CHD1: variants seen among roughly 807,000 people sequenced by gnomAD.
The protein encoded by CHD1 is ATP-dependent chromatin remodeler CHD1.
CHD1 carries 36 observed loss-of-function variants against 224.2 expected under a neutral mutation model. That is an observed-to-expected ratio of 0.16 (90% CI 0.12 to 0.21). The LOEUF is 0.21. CHD1 is among the 10% of genes least tolerant of loss of function. The pLI is 1.00. For missense variants in CHD1, 1,378 were observed against 1,994.8 expected (o/e 0.69, Z 5.89); for synonymous variants, 668 against 658.3 (o/e 1.01, Z -0.23).
At chr5:98,900,768 A>G (rs755081071) in intron 7 of CHD1, 43 bp downstream of exon 7, 3 of 1,555,692 alleles carry the variant, frequency 1.9e-6, no homozygotes, top group Middle Eastern at 1.7e-4. Context: ...TCCTGTAAAT[A>G]TTATTTAAAT....
At chr5:98,890,104 A>G (rs1750916417) in intron 15 of CHD1, among the ~76,000 whole-genome samples, 1 of 152,228 alleles carries the variant, frequency 6.6e-6, no homozygotes, top group Non-Finnish European at 1.5e-5. Context: ...TACCATGCTC[A>G]CTACCTGGAT....
In CHD1 at chr5:98,888,037, T is replaced by C. The variant is rs772520082; in HGVS notation, c.2496+51A>G. On this transcript the variant is annotated intron_variant, in intron 17 of 35. Coordinates refer to ENST00000614616, the MANE Select transcript of CHD1 (RefSeq NM_001270.4). ...TAATTTCAGTTAATTCTGTAAAATA[T>C]GCACAGGAATTAGATAAAATTTAAA... 6 of 1,216,688 alleles carry C rather than the reference T, an allele frequency of 4.9e-6. 1 individual carries two copies. Among genetic ancestry groups the C allele is most frequent in the East Asian group, 4.9e-5 (2 of 40,466 alleles). The allele number at this position is 1,216,688 out of a possible 1,614,324, so 75.4% of individuals were successfully genotyped here.
At position 98,857,900 on chromosome 5, in the gene CHD1, CA is replaced by C. The variant is rs1748162155; in HGVS notation, c.4787+279del. 2.6e-5 allele frequency among the ~76,000 whole-genome samples: 4 copies of C among 152,130 alleles called. No individual in the cohort carries two copies. The South Asian group carries it at 8.3e-4, about 32-fold the overall frequency. ...AAAGAGTATTTGAGCCAATATTCTT[CA>C]AAACGAACAATGAACCCCACGCAAT... On this transcript the variant is annotated intron_variant, in intron 35 of 35. Transcript: ENST00000614616.
chr5:98,863,576 C>A lies in CHD1; in HGVS notation c.4259G>T (p.Arg1420Ile). The change falls in exon 32 of 36, where the codon AGA (arginine) becomes ATA (isoleucine). Residue 1420 changes from arginine to isoleucine, a missense_variant. This residue lies in a region of CHD1 where 23 missense variants were observed against 65.8 expected (regional missense o/e 0.35). Transcript: ENST00000614616. The part of the protein sequence containing the change: ...DQKTFSICKE[R>I]MRPVKAALKQ... ...CAAAGCTGCTTTAACAGGCCTCATT[C>A]TTTCTTTACACTTTAAAATGAGAAA... 1 of 1,598,572 alleles carries A rather than the reference C, an allele frequency of 6.3e-7. No individual in the cohort carries two copies. The highest frequency in any genetic ancestry group is 8.5e-7 in the Non-Finnish European group (1 of 1,175,982).
chr5:98,871,117 T>C (rs185314985), intron 28 of CHD1, among the ~76,000 whole-genome samples: 137 of 152,110 alleles, frequency 9.0e-4, no homozygotes, highest in African/African-American at 3.1e-3. Context: ...TTAAATGTTA[T>C]ATAATCCTTA....
At chr5:98,893,683 A>T (rs1053635277) in intron 13 of CHD1, 77 bp from the exon 14 acceptor site, 2 of 863,566 alleles carry the variant, frequency 2.3e-6, no homozygotes, top group Admixed American at 2.8e-5. Flanking sequence ...TCTGAACTCA[A>T]TTATTAAAAT....
chr5:98,861,273 C>T (rs1007339928), intron 32 of CHD1, among the ~76,000 whole-genome samples: 2 of 152,060 alleles, frequency 1.3e-5, no homozygotes, highest in Non-Finnish European at 2.9e-5. Context: ...ACATTTTCTA[C>T]AATACTATTA....
chr5:98,865,029 A>G (rs1357621284), intron 31 of CHD1, among the ~76,000 whole-genome samples: 1 of 152,224 alleles, frequency 6.6e-6, no homozygotes, highest in East Asian at 1.9e-4. Context: ...AACAAGAAAT[A>G]GTATGTCAGA....
In CHD1 at chr5:98,876,632, A is replaced by G; in HGVS notation, c.3238-74T>C. Reference sequence around the variant, plus strand: ...TCTTAAGAGCAAAAACCATTATAAAAGATGGTCGGAATCTTAAAAATGTTA... The same window carrying G: ...TCTTAAGAGCAAAAACCATTATAAAGGATGGTCGGAATCTTAAAAATGTTA... On this transcript the variant is annotated intron_variant, in intron 23 of 35. Transcript: ENST00000614616. 3 of 1,272,996 alleles carry G rather than the reference A, an allele frequency of 2.4e-6. No individual in the cohort carries two copies. In the Admixed American group the frequency reaches 6.1e-5, roughly 26 times the overall value. The allele number at this position is 1,272,996 out of a possible 1,614,324, so 78.9% of individuals were successfully genotyped here. A position where few individuals can be genotyped will look rare whatever the true frequency, so the allele number is the denominator to read the frequency against.
intron 26 of CHD1, among the ~76,000 whole-genome samples, chr5:98,872,997 T>G (rs1345599634): frequency 6.6e-6 from 1 of 152,030 alleles, no homozygotes; most frequent in Non-Finnish European, 1.5e-5. Flanking sequence ...AATTTTTATG[T>G]TTTCATTTTT....
chr5:98,861,055 T>C (rs924976258), intron 32 of CHD1, among the ~76,000 whole-genome samples: 1 of 152,318 alleles, frequency 6.6e-6, no homozygotes, highest in Non-Finnish European at 1.5e-5. Flanking sequence ...CTGGTCTTAA[T>C]TATATCATCC....
At chr5:98,868,867 T>C (rs1749105294) in intron 30 of CHD1, 7 of 494,146 alleles carry the variant, frequency 1.4e-5, no homozygotes, top group Non-Finnish European at 2.2e-5. Context: ...TGTTCAGACC[T>C]ACTATTCTCC....
At chr5:98,922,699 T>C (rs1284023651) in intron 2 of CHD1, among the ~76,000 whole-genome samples, 4 of 152,146 alleles carry the variant, frequency 2.6e-5, no homozygotes, top group Non-Finnish European at 5.9e-5. Context: ...AATCTAATTA[T>C]ATTAGGGGCC....
In CHD1 at chr5:98,899,676, C is replaced by G. The variant is rs774478241; in HGVS notation, c.889G>C (p.Val297Leu). The change falls in exon 8 of 36, where the codon GTT becomes CTT. Residue 297 changes from valine (V) to leucine (L), a missense_variant. Physicochemically the swap from Val to Leu is conservative, Grantham distance 32 (BLOSUM62 1). Around this residue, in one of 16 missense-constraint regions of CHD1, gnomAD observed 40 missense variants for 60.0 expected, o/e 0.67. Coordinates refer to ENST00000614616, the MANE Select transcript of CHD1 (RefSeq NM_001270.4). ...ATGATTTIYA[V>L]EADGDPNAGF... ...GCATTTGGGTCACCATCTGCTTCAACTGCATAGATGGTTGTAGTAGCACCA... is the reference window on the plus strand; with the variant it reads ...GCATTTGGGTCACCATCTGCTTCAAGTGCATAGATGGTTGTAGTAGCACCA... The G allele has an allele frequency of 1.9e-6, 3 of 1,613,468 alleles. No homozygotes were observed. The African/African-American group carries it at 4.0e-5, about 22-fold the overall frequency.
Position 98,869,326 on chromosome 5 carries a change from C to T in CHD1, c.4107+428G>A, listed in dbSNP as rs161740. Reference sequence around the variant, plus strand: ...TGTATTACTAACCAAATTTTAACAACGACTAATTTTTCTTCATATGACTAC... The same window carrying T: ...TGTATTACTAACCAAATTTTAACAATGACTAATTTTTCTTCATATGACTAC... On this transcript the variant is annotated intron_variant, in intron 30 of 35. Transcript: ENST00000614616. 2,758 of 945,954 alleles carry T rather than the reference C, an allele frequency of 2.9e-3. 10 individuals carry two copies. The highest frequency in any genetic ancestry group is 3.3e-3 in the Non-Finnish European group (2,613 of 793,304). The allele number at this position is 945,954 out of a possible 1,614,324, so 58.6% of individuals were successfully genotyped here. A position where few individuals can be genotyped will look rare whatever the true frequency, so the allele number is the denominator to read the frequency against.
Position 98,870,951 on chromosome 5 carries a change from TG to T in CHD1, c.3862-149del, listed in dbSNP as rs1222486060. The T allele has an allele frequency of 1.8e-5, 8 of 443,544 alleles. No individual in the cohort carries two copies. The South Asian group carries it at 1.9e-4, about 11-fold the overall frequency. 27.5% of individuals were successfully genotyped at this position (443,544 alleles called of 1,614,324 possible). On this transcript the variant is annotated intron_variant, in intron 28 of 35. Coordinates refer to ENST00000614616, the MANE Select transcript of CHD1 (RefSeq NM_001270.4). ...TTGTAGGAATAAACTCAATGCAAAA[TG>T]TATTTTTTATACGTATGCCAGAGCC...
At chr5:98,896,771 T>A (rs1751366540) in intron 11 of CHD1, among the ~76,000 whole-genome samples, 1 of 131,530 alleles carries the variant, frequency 7.6e-6, no homozygotes, top group Non-Finnish European at 1.6e-5. Flanking sequence ...AAGTAAAAAG[T>A]ATATAGGAAG....
chr5:98,884,527 G>A (rs774666812), intron 18 of CHD1, among the ~76,000 whole-genome samples: 35 of 152,062 alleles, frequency 2.3e-4, no homozygotes, highest in Non-Finnish European at 4.4e-4. Flanking sequence ...AGGAGGGGGT[G>A]AGCGATAAAA....
chr5:98,878,520 ATTAGTC>A (rs1022553053), intron 23 of CHD1, among the ~76,000 whole-genome samples: 1 of 152,222 alleles, frequency 6.6e-6, no homozygotes, highest in Non-Finnish European at 1.5e-5. Flanking sequence ...AGAAAAAGAA[ATTAGTC>A]TTAGAATTTT....
Sources: gnomAD v4.1 joint callset for allele counts (sites outside exome capture counted in the v4.1 genomes callset) on GRCh38, gnomAD v4.1.1 for gene constraint, gnomAD v4.1.1 regional missense constraint, MANE v1.5 for transcripts, NCBI Gene and HGNC (gene_info 2026-07-23, HGNC 2026-07-21) for gene names.